GTF3C1: variants seen among roughly 807,000 people sequenced by gnomAD.
GTF3C1 encodes general transcription factor 3C polypeptide 1.
Under a neutral mutation model 226.7 loss-of-function variants are expected in GTF3C1, and 57 were observed. The observed-to-expected ratio is 0.25, with a 90% confidence interval of 0.20 to 0.31. The LOEUF (loss-of-function observed/expected upper bound fraction) is 0.31. Among genes scored for constraint, GTF3C1 ranks in the 10% least tolerant of loss-of-function variants. The pLI, the probability that GTF3C1 is intolerant of heterozygous loss-of-function variation, is 1.00. For synonymous variants in GTF3C1, 1,090 were observed against 1,084.8 expected, an observed-to-expected ratio of 1.00 and a Z score of -0.09; for missense variants, 2,217 against 2,776.1, an observed-to-expected ratio of 0.80 and a Z score of 4.53.
chr16:27,480,599 A>G (rs1267617010), intron 27 of GTF3C1: 2 of 156,700 alleles, frequency 1.3e-5, no homozygotes, highest in African/African-American at 4.8e-5. Context: ...GATGGTGGAG[A>G]AAAGGGATCT....
rs181374829 is a variant in GTF3C1, at chr16:27,542,605, T to C, written c.431+2709A>G. Among the ~76,000 whole-genome samples, 70 of 150,894 alleles carry C rather than the reference T, an allele frequency of 4.6e-4. 1 individual carries two copies. The highest frequency in any genetic ancestry group is 1.3e-3 in the African/African-American group (54 of 41,076). ...AAGTTTAATCCCCAGTGCAGCAGCA[T>C]TGGGAGGTGAGGACTAGTAGAAGGT... is the stretch of plus-strand genomic sequence containing the variant. On this transcript the variant is annotated intron_variant, in intron 2 of 36. Transcript: ENST00000356183.
In GTF3C1 at chr16:27,478,713, T is replaced by C. The variant is rs1285674743; in HGVS notation, c.4197-182A>G. On this transcript the variant is annotated intron_variant, in intron 27 of 36. Transcript: ENST00000356183. ...TGAGAATATACCCTGTCCTGCCTGTTATAAAAAGGAGGGCTGAGAAAATGT... is the reference window on the plus strand; with the variant it reads ...TGAGAATATACCCTGTCCTGCCTGTCATAAAAAGGAGGGCTGAGAAAATGT... 8.3e-6 allele frequency: 5 copies of C among 601,526 alleles called. No homozygotes were observed. The East Asian group carries it at 1.1e-4, about 13-fold the overall frequency. The allele number at this position is 601,526 out of a possible 1,614,324, so 37.3% of individuals were successfully genotyped here. A position where few individuals can be genotyped will look rare whatever the true frequency, so the allele number is the denominator to read the frequency against.
intron 10 of GTF3C1, among the ~76,000 whole-genome samples, chr16:27,504,877 G>C (rs532655813): frequency 1.3e-5 from 2 of 152,322 alleles, no homozygotes; most frequent in East Asian, 3.9e-4. Flanking sequence ...GCTGCAGTGA[G>C]CCGAGCTCGT....
rs2088490559 is a variant in GTF3C1, at chr16:27,506,711, C to G, written c.1552+136G>C. The stretch of plus-strand genomic sequence containing the variant: ...CCTCCAAACCCATGATGATGTGGTA[C>G]AAGTGACAGTGTCAGGCCTCTCATT... On this transcript the variant is annotated intron_variant, in intron 9 of 36. Coordinates refer to ENST00000356183, the MANE Select transcript of GTF3C1 (RefSeq NM_001520.4). 4 of 611,526 alleles carry G rather than the reference C, an allele frequency of 6.5e-6. No individual in the cohort carries two copies. In the East Asian group the frequency reaches 1.1e-4, roughly 17 times the overall value. 37.9% of individuals were successfully genotyped at this position (611,526 alleles called of 1,614,324 possible).
At chr16:27,476,321 CAT>C (rs2087949303) in intron 29 of GTF3C1, 128 bp downstream of exon 29, 4 of 603,866 alleles carry the variant, frequency 6.6e-6, no homozygotes, top group Admixed American at 3.1e-5. Context: ...AGTTGAAAGA[CAT>C]GTGGGCTGGC....
At chr16:27,528,905 C>T (rs556216865) in intron 5 of GTF3C1, among the ~76,000 whole-genome samples, 184 bp from the exon 6 acceptor site, 4 of 152,174 alleles carry the variant, frequency 2.6e-5, no homozygotes, top group Admixed American at 6.5e-5. Flanking sequence ...AGGATATAAA[C>T]GATTCTACCT....
At position 27,463,289 on chromosome 16, in the gene GTF3C1, C is replaced by T; in HGVS notation, c.5924+252G>A. ...ACAGCTGACAGCACCAGGCATGGTT[C>T]TCCACCAGCGCCCTGGGCATTCTGG... On this transcript the variant is annotated intron_variant, in intron 35 of 36. Coordinates refer to ENST00000356183, the MANE Select transcript of GTF3C1 (RefSeq NM_001520.4). This position sits in a 1 kb window ranked among gnomAD's most constrained non-coding sequence, Gnocchi z 4.9. 2 of 531,916 alleles carry T rather than the reference C, an allele frequency of 3.8e-6. No individual in the cohort carries two copies. Among genetic ancestry groups the T allele is most frequent in the Non-Finnish European group, 6.6e-6 (2 of 301,508 alleles). 32.9% of individuals were successfully genotyped at this position (531,916 alleles called of 1,614,324 possible). A position where few individuals can be genotyped will look rare whatever the true frequency, so the allele number is the denominator to read the frequency against.
intron 6 of GTF3C1, among the ~76,000 whole-genome samples, chr16:27,512,271 G>A (rs1299321548): frequency 6.6e-6 from 1 of 152,050 alleles, no homozygotes; most frequent in African/African-American, 2.4e-5. Flanking sequence ...CCAGGACACG[G>A]CCCACACTCA....
intron 1 of GTF3C1, among the ~76,000 whole-genome samples, chr16:27,548,634 G>A (rs1382026362): frequency 2.0e-5 from 3 of 152,160 alleles, no homozygotes; most frequent in African/African-American, 7.2e-5. Context: ...CACAGACGCT[G>A]AAAATAGCCT....
At chr16:27,549,631 G>GGCCCCCCCC in intron 1 of GTF3C1, 39 bp downstream of exon 1, 8 of 691,924 alleles carry the variant, frequency 1.2e-5, no homozygotes, top group East Asian at 3.1e-5. Flanking sequence ...CGGGCCCTGC[G>GGCCCCCCCC]CCCGCCCGCC....
Position 27,489,716 on chromosome 16 carries a change from T to C in GTF3C1, c.3179A>G (p.Lys1060Arg), listed in dbSNP as rs1251148356. ...LGVVRCPRVR[K>R]NSSTDQGSDE... ...GCTGCCCTGGTCTGTGCTGCTGTTC[T>C]TCCTGACGCGCGGGCAGCGCACCAC... The change falls in exon 20 of 37, where the codon AAG becomes AGG. Residue 1060 changes from lysine (K) to arginine (R), a missense_variant. This residue lies in a region of GTF3C1 where 353 missense variants were observed against 411.7 expected (regional missense o/e 0.86). Transcript: ENST00000356183. 2.5e-6 allele frequency: 4 copies of C among 1,612,166 alleles called. No individual in the cohort carries two copies. Among genetic ancestry groups the C allele is most frequent in the Non-Finnish European group, 3.4e-6 (4 of 1,179,834 alleles).
chr16:27,499,333 T>C (rs1423965538), intron 12 of GTF3C1, among the ~76,000 whole-genome samples: 1 of 152,086 alleles, frequency 6.6e-6, no homozygotes, highest in Non-Finnish European at 1.5e-5. Flanking sequence ...ACAGACTGTG[T>C]GGAAGGGAAG....
In GTF3C1 at chr16:27,464,374, G is replaced by A. The variant is rs1334935171; in HGVS notation, c.5818C>T (p.Gln1940Ter). The A allele has an allele frequency of 6.3e-7, 1 of 1,577,716 alleles. No homozygotes were observed. Among genetic ancestry groups the A allele is most frequent in the South Asian group, 1.2e-5 (1 of 85,200 alleles). ...EGVGEFSSPG[Q>*]EQLSGQAQPP... Reference sequence around the variant, plus strand: ...TGCGCCTGGCCGCTCAGCTGCTCTTGGCCTGGGGAACTGAACTCACCGACA... The same window carrying A: ...TGCGCCTGGCCGCTCAGCTGCTCTTAGCCTGGGGAACTGAACTCACCGACA... The change falls in exon 34 of 37, where the codon CAA (glutamine) becomes TAA (stop). Residue 1940 changes from glutamine (Q) to a stop codon, truncating the protein, a stop_gained. Coordinates refer to ENST00000356183, the MANE Select transcript of GTF3C1 (RefSeq NM_001520.4). LOFTEE classifies it high-confidence loss of function.
At chr16:27,544,079 G>A (rs1010475113) in intron 2 of GTF3C1, among the ~76,000 whole-genome samples, 1 of 152,158 alleles carries the variant, frequency 6.6e-6, no homozygotes, top group Admixed American at 6.6e-5. Context: ...ATGTGCTGAA[G>A]GGAAAGCTTC....
intron 1 of GTF3C1, 24 bp downstream of exon 1, chr16:27,549,646 C>CCCCCCCG: frequency 8.3e-7 from 1 of 1,208,638 alleles, no homozygotes. Context: ...CCCGCCCGCC[C>CCCCCCCG]GCCAGGCCAG....
chr16:27,466,233 C>G (rs1235506128), intron 32 of GTF3C1: 2 of 152,264 alleles, frequency 1.3e-5, no homozygotes, highest in Non-Finnish European at 2.9e-5. Context: ...TCAAGAGAGT[C>G]TACGGGCACC....
chr16:27,531,685 A>G (rs1351907528), intron 5 of GTF3C1, among the ~76,000 whole-genome samples: 1 of 152,252 alleles, frequency 6.6e-6, no homozygotes, highest in African/African-American at 2.4e-5. Context: ...CTTGCTGCTA[A>G]CACAGTCCAC....
At chr16:27,484,175 C>T (rs367633647) in intron 25 of GTF3C1, 36 bp downstream of exon 25, 22 of 1,502,912 alleles carry the variant, frequency 1.5e-5, no homozygotes, top group African/African-American at 2.7e-5. Context: ...ATAACGTAAC[C>T]GTGTCCCGGA....
Position 27,497,685 on chromosome 16 carries a change from C to A in GTF3C1, c.2302G>T (p.Asp768Tyr). 6.2e-7 allele frequency: 1 copy of A among 1,614,056 alleles called. No individual in the cohort carries two copies. The highest frequency in any genetic ancestry group is 8.5e-7 in the Non-Finnish European group (1 of 1,179,926). Residue 768 changes from aspartate to tyrosine, a missense_variant, in exon 14 of 37, where the codon GAT becomes TAT. Asp to Tyr is a radical substitution (Grantham distance 160). Around this residue, in one of 12 missense-constraint regions of GTF3C1, gnomAD observed 100 missense variants for 139.9 expected, o/e 0.71. Coordinates refer to ENST00000356183, the MANE Select transcript of GTF3C1 (RefSeq NM_001520.4). ...AGCGGGGTTATGCCCATTTTATTAT[C>A]ACTTTTTTTCATCCGTCCACTTTCT... Reference protein sequence around the residue: ...RSESGRMKKSDNKMGITPLRN... With the variant: ...RSESGRMKKSYNKMGITPLRN...
Sources: allele counts gnomAD v4.1 joint callset (sites outside exome capture counted in the v4.1 genomes callset), GRCh38; gene constraint gnomAD v4.1.1; regional missense constraint gnomAD v4.1.1; non-coding constraint Gnocchi (gnomAD v3.1); transcripts MANE v1.5; gene names NCBI Gene and HGNC (gene_info 2026-07-23, HGNC 2026-07-21).